NEK11: variants seen among roughly 807,000 people sequenced by gnomAD.
NEK11 encodes NIMA related kinase 11.
A neutral mutation model predicts 80.7 loss-of-function variants in NEK11; 72 were observed. The observed-to-expected ratio is 0.89, with a 90% CI of 0.74 to 1.08. NEK11 has a LOEUF of 1.08. Ranked by LOEUF, NEK11 falls within the 50% of genes least tolerant of loss-of-function variation. The pLI is 0.00. For missense variants in NEK11, 764 were observed against 763.6 expected (o/e 1.00, Z -0.01); for synonymous variants, 251 against 260.7 (o/e 0.96, Z 0.36).
chr3:131,145,940 G>A (rs903702564), intron 7 of NEK11, among the ~76,000 whole-genome samples: 4 of 152,058 alleles, frequency 2.6e-5, no homozygotes, highest in African/African-American at 9.7e-5. Context: ...TAACATTCCA[G>A]CTATCATTTT....
chr3:131,094,566 C>T lies in NEK11; in HGVS notation c.336+13978C>T, dbSNP rs371219988. On this transcript the variant is annotated intron_variant, in intron 4 of 17. Transcript: ENST00000383366. Reference sequence around the variant, plus strand: ...TTATTTAACTGCTTTATAACTTGTCCAGTGAAATGAGCGCCTCTACCACTG... The same window carrying T: ...TTATTTAACTGCTTTATAACTTGTCTAGTGAAATGAGCGCCTCTACCACTG... Among the ~76,000 whole-genome samples, 10 of 152,234 alleles carry T rather than the reference C, an allele frequency of 6.6e-5. 1 individual carries two copies. In the East Asian group the frequency reaches 1.4e-3, roughly 21 times the overall value.
intron 4 of NEK11, among the ~76,000 whole-genome samples, chr3:131,098,256 A>G (rs1043511278): frequency 5.3e-5 from 8 of 152,228 alleles, no homozygotes; most frequent in Non-Finnish European, 1.0e-4. Flanking sequence ...CAAGGACTTC[A>G]TGTCTAAAAC....
In NEK11 at chr3:131,029,746, G is replaced by T. The variant is rs2064498385; in HGVS notation, c.38G>T (p.Gly13Val). The T allele has an allele frequency of 1.9e-6, 3 of 1,614,182 alleles. No homozygotes were observed. The highest frequency in any genetic ancestry group is 1.6e-4 in the Middle Eastern group (1 of 6,062). The change falls in exon 3 of 18, where the codon GGA becomes GTA. Residue 13 changes from glycine to valine, a missense_variant. Gly to Val is a moderately radical substitution (Grantham distance 109). Coordinates refer to ENST00000383366, the MANE Select transcript of NEK11 (RefSeq NM_024800.5). Reference protein sequence around the residue: ...KFQEAAKCVSGSTAISTYPKT... With the variant: ...KFQEAAKCVSVSTAISTYPKT... ...CAAGAGGCAGCTAAGTGTGTGAGTG[G>T]ATCAACAGCCATTTCCACTTATCCA...
intron 7 of NEK11, among the ~76,000 whole-genome samples, chr3:131,147,499 T>G (rs2088619890): frequency 6.6e-6 from 1 of 152,096 alleles, no homozygotes; most frequent in Non-Finnish European, 1.5e-5. Flanking sequence ...AACTTTATAA[T>G]AAATCTTGAT....
At chr3:131,346,736 C>T (rs1266150812) in intron 17 of NEK11, among the ~76,000 whole-genome samples, 3 of 151,814 alleles carry the variant, frequency 2.0e-5, no homozygotes, top group African/African-American at 7.3e-5. Context: ...GTGAAGGGCA[C>T]CATGAAGTGG....
At chr3:131,195,793 A>AATATATATATATATATATATATATATAT (rs58272752) in intron 14 of NEK11, among the ~76,000 whole-genome samples, 14 of 133,882 alleles carry the variant, frequency 1.0e-4, no homozygotes, top group African/African-American at 3.4e-4. Context: ...TATATTTCAG[A>AATATATATATATATATATATATATATAT]ATATATATAT....
At chr3:131,083,875 A>G (rs1476441766) in intron 4 of NEK11, among the ~76,000 whole-genome samples, 1 of 152,204 alleles carries the variant, frequency 6.6e-6, no homozygotes, top group Non-Finnish European at 1.5e-5. Context: ...GAATATTTCA[A>G]ATATTGGTGT....
intron 7 of NEK11, among the ~76,000 whole-genome samples, chr3:131,136,368 A>C (rs1026244066): frequency 1.3e-5 from 2 of 152,168 alleles, no homozygotes; most frequent in Admixed American, 1.3e-4. Flanking sequence ...TTTAGTAGAC[A>C]CTCTGAGAAA....
intron 16 of NEK11, among the ~76,000 whole-genome samples, chr3:131,269,259 C>T (rs1398989534): frequency 6.6e-6 from 1 of 152,226 alleles, no homozygotes; most frequent in Admixed American, 6.5e-5. Context: ...CTTCAGCCCC[C>T]TTTCCAGGGA....
At chr3:131,347,920 A>C (rs932130156) in intron 17 of NEK11, among the ~76,000 whole-genome samples, 1 of 143,196 alleles carries the variant, frequency 7.0e-6, no homozygotes. Context: ...TTCATCTCCA[A>C]AAAAAAAAAA....
chr3:131,190,004 TCTA>T (rs1357746854), intron 14 of NEK11, among the ~76,000 whole-genome samples: 2 of 152,210 alleles, frequency 1.3e-5, no homozygotes, highest in East Asian at 1.9e-4. Context: ...ACTTTATATC[TCTA>T]CTATTTTTAA....
chr3:131,283,516 C>CTGTGTGTGTG (rs4044351), intron 17 of NEK11, among the ~76,000 whole-genome samples: 1 of 147,246 alleles, frequency 6.8e-6, no homozygotes, highest in Non-Finnish European at 1.5e-5. Flanking sequence ...CAGGCTATTA[C>CTGTGTGTGTG]TGTGTGTGTG....
intron 4 of NEK11, among the ~76,000 whole-genome samples, chr3:131,093,133 A>C (rs548768699): frequency 1.1e-4 from 16 of 152,294 alleles, no homozygotes; most frequent in Admixed American, 6.5e-4. Flanking sequence ...CACAAGAGAC[A>C]GTTCCTTGTG....
intron 7 of NEK11, among the ~76,000 whole-genome samples, chr3:131,151,291 G>A (rs1407701055): frequency 6.6e-6 from 1 of 151,998 alleles, no homozygotes; most frequent in Non-Finnish European, 1.5e-5. Flanking sequence ...AGTTATAAGG[G>A]ATTGTTGAGA....
chr3:131,216,861 C>T (rs773338158), intron 14 of NEK11, among the ~76,000 whole-genome samples: 1 of 152,342 alleles, frequency 6.6e-6, no homozygotes, highest in African/African-American at 2.4e-5. Flanking sequence ...ACAGTTGCTT[C>T]CCTTGGGCGC....
In NEK11 at chr3:131,261,498, CT is replaced by C. The variant is rs148894010; in HGVS notation, c.1622-11979del. Reference sequence around the variant, plus strand: ...TAGGCATTGTCTTCCCAAGTAAATGCTATGCCTGACCTATGTCTTAGATCAC... The same window carrying C: ...TAGGCATTGTCTTCCCAAGTAAATGCATGCCTGACCTATGTCTTAGATCAC... On this transcript the variant is annotated intron_variant, in intron 16 of 17. Transcript: ENST00000383366. Among the ~76,000 whole-genome samples the C allele has an allele frequency of 9.7e-3, 1,470 of 152,272 alleles. 16 individuals carry two copies. Among genetic ancestry groups the C allele is most frequent in the African/African-American group, 0.032 (1,315 of 41,548 alleles).
At chr3:131,199,137 G>T (rs1239198688) in intron 14 of NEK11, among the ~76,000 whole-genome samples, 1 of 151,994 alleles carries the variant, frequency 6.6e-6, no homozygotes, top group African/African-American at 2.4e-5. Flanking sequence ...TATAGCAAAA[G>T]ACATAATAAA....
chr3:131,156,638 TTAATAA>T (rs1384009486), intron 10 of NEK11, among the ~76,000 whole-genome samples: 1 of 152,188 alleles, frequency 6.6e-6, no homozygotes, highest in Non-Finnish European at 1.5e-5. Context: ...ATTGCACAGA[TTAATAA>T]CACTCTCTCA....
rs2094574821 is a variant in NEK11 at position 131,210,473 on chromosome 3, T to C, written c.1400-18055T>C. ...TGTTGATTTGGGGTGGAGAGTTCTG[T>C]AGATGTCTATTAGGTCTGCTTGGTG... On this transcript the variant is annotated intron_variant, in intron 14 of 17. Transcript: ENST00000383366. Among the ~76,000 whole-genome samples, 5 of 152,248 alleles carry C rather than the reference T, an allele frequency of 3.3e-5. No homozygotes were observed. In the South Asian group the frequency reaches 8.3e-4, roughly 25 times the overall value.
Sources: gnomAD v4.1 joint callset for allele counts (sites outside exome capture counted in the v4.1 genomes callset) on GRCh38, gnomAD v4.1.1 for gene constraint, MANE v1.5 for transcripts, NCBI Gene and HGNC (gene_info 2026-07-23, HGNC 2026-07-21) for gene names.